Variants in DDX31 observed in about 807,000 individuals in gnomAD.
DDX31 encodes DEAD-box helicase 31.
In DDX31, 70 loss-of-function variants were observed where a neutral mutation model predicts 91.3. That is an observed-to-expected ratio of 0.77 (90% CI 0.63 to 0.94). The LOEUF is 0.94. DDX31 is among the 40% of genes least tolerant of loss of function. The probability of loss-of-function intolerance (pLI) is 0.00; values close to 1 mark genes in which losing one functional copy is unlikely to be tolerated. For synonymous variants in DDX31, 362 were observed against 350.6 expected, an observed-to-expected ratio of 1.03 and a Z score of -0.36; for missense variants, 902 against 925.0, an observed-to-expected ratio of 0.98 and a Z score of 0.32.
intron 14 of DDX31, 114 bp downstream of exon 14, chr9:132,641,890 A>G: frequency 9.6e-7 from 1 of 1,038,792 alleles, no homozygotes; most frequent in Non-Finnish European, 1.5e-6. Context: ...AGGGGCCCCT[A>G]GTGTTCCTGG....
chr9:132,601,485 G>A (rs1479453505), intron 19 of DDX31, among the ~76,000 whole-genome samples: 1 of 152,142 alleles, frequency 6.6e-6, no homozygotes, highest in Non-Finnish European at 1.5e-5. Flanking sequence ...TTGAAGTGAG[G>A]ACCACAATGG....
At chr9:132,636,535 C>T (rs1833128385) in intron 14 of DDX31, among the ~76,000 whole-genome samples, 1 of 152,184 alleles carries the variant, frequency 6.6e-6, no homozygotes, top group Non-Finnish European at 1.5e-5. Flanking sequence ...TAACATGTGA[C>T]GTTCATGAAA....
chr9:132,669,898 TG>T lies in DDX31; in HGVS notation c.36del (p.Arg13GlyfsTer102). The T allele has an allele frequency of 6.3e-7, 1 of 1,597,300 alleles. No homozygotes were observed. Among genetic ancestry groups the T allele is most frequent in the Non-Finnish European group, 8.5e-7 (1 of 1,172,856 alleles). On this transcript the variant is annotated frameshift_variant, in exon 1 of 20. Coordinates refer to ENST00000372159, the MANE Select transcript of DDX31 (RefSeq NM_022779.9). LOFTEE classifies it high-confidence loss of function. ...GCTGGGGGACGTCTGGAGAACGTCCTGGGGTTGTCGAAGAGCGAACCGTCGG... is the reference window on the plus strand; with the variant it reads ...GCTGGGGGACGTCTGGAGAACGTCCTGGGTTGTCGAAGAGCGAACCGTCGG... The part of the protein sequence containing the change: ...AAADGSLFDN[P>X]RTFSRRPPAQ...
At chr9:132,612,842 C>T (rs1404971733) in intron 18 of DDX31, among the ~76,000 whole-genome samples, 2 of 152,178 alleles carry the variant, frequency 1.3e-5, no homozygotes, top group Non-Finnish European at 2.9e-5. Flanking sequence ...TCACCACAAG[C>T]CCCACCTCCA....
intron 13 of DDX31, among the ~76,000 whole-genome samples, chr9:132,642,418 C>T (rs902539861): frequency 3.9e-5 from 6 of 152,310 alleles, no homozygotes; most frequent in Middle Eastern, 3.4e-3. Flanking sequence ...CATTCTCCTA[C>T]AAGTGCTCTG....
At chr9:132,620,104 A>C (rs1251316245) in intron 17 of DDX31, among the ~76,000 whole-genome samples, 2 of 152,028 alleles carry the variant, frequency 1.3e-5, no homozygotes, top group Non-Finnish European at 1.5e-5. Flanking sequence ...ATCCCTCTAG[A>C]GTGTTAAATA....
intron 8 of DDX31, 127 bp downstream of exon 8, chr9:132,650,948 G>A (rs1053458804): frequency 1.0e-6 from 1 of 955,152 alleles, no homozygotes; most frequent in Admixed American, 2.5e-5. Flanking sequence ...TGCCTAGAGA[G>A]AGCAGAGATA....
At chr9:132,611,776 C>T (rs1488424501) in intron 19 of DDX31, among the ~76,000 whole-genome samples, 1 of 151,970 alleles carries the variant, frequency 6.6e-6, no homozygotes, top group Admixed American at 6.6e-5. Context: ...GGTATGCTCC[C>T]AGGCCTCGTC....
intron 8 of DDX31, among the ~76,000 whole-genome samples, chr9:132,650,536 T>G (rs1485235401): frequency 6.6e-6 from 1 of 152,230 alleles, no homozygotes; most frequent in African/African-American, 2.4e-5. Context: ...AAATGTGAGC[T>G]TCTTAAATCA....
intron 19 of DDX31, among the ~76,000 whole-genome samples, chr9:132,604,498 G>A (rs969541824): frequency 2.0e-5 from 3 of 152,054 alleles, no homozygotes; most frequent in African/African-American, 4.8e-5. Context: ...TTTAAACTAC[G>A]GATATATTCA....
intron 1 of DDX31, among the ~76,000 whole-genome samples, chr9:132,664,350 C>T (rs749806190): frequency 3.9e-5 from 6 of 152,154 alleles, no homozygotes; most frequent in Non-Finnish European, 8.8e-5. Flanking sequence ...GTCAACATCT[C>T]TCTAAAAGCA....
chr9:132,668,863 C>G (rs1835502951), intron 1 of DDX31, among the ~76,000 whole-genome samples: 1 of 152,286 alleles, frequency 6.6e-6, no homozygotes, highest in Non-Finnish European at 1.5e-5. Context: ...CCACCGCGCC[C>G]GGCCGCGGCT....
At chr9:132,669,269 A>G (rs906571241) in intron 1 of DDX31, among the ~76,000 whole-genome samples, 15 of 63,898 alleles carry the variant, frequency 2.3e-4, no homozygotes, top group African/African-American at 1.0e-3. Context: ...CCCCCCAAAG[A>G]ACAGCTTTGC....
intron 1 of DDX31, among the ~76,000 whole-genome samples, chr9:132,663,055 T>C (rs1244368121): frequency 1.3e-5 from 2 of 151,954 alleles, no homozygotes; most frequent in African/African-American, 4.8e-5. Context: ...GTGAAGGGTG[T>C]GTCAATCCAT....
Position 132,647,067 on chromosome 9 carries a change from AAAGT to A in DDX31, c.968-13_968-10del, listed in dbSNP as rs140712462. 0.33 allele frequency: 530,852 copies of A among 1,612,666 alleles called. 90,315 individuals are homozygous for A. Among genetic ancestry groups the A allele is most frequent in the South Asian group, 0.39 (35,205 of 91,046 alleles). On this transcript the variant is annotated splice_polypyrimidine_tract_variant and intron_variant, in intron 11 of 19. Transcript: ENST00000372159. ...AGCTAGCCGCGTTACACCTTGGATA[AAAGT>A]AAGAAGGGCAAAGCAGACAACAAAC...
chr9:132,662,724 C>G, intron 1 of DDX31, 29 bp from the exon 2 acceptor site: 1 of 1,613,180 alleles, frequency 6.2e-7, no homozygotes, highest in Non-Finnish European at 8.5e-7. Flanking sequence ...GAAAGATCAA[C>G]AAGAGATGCA....
chr9:132,645,797 A>T, intron 13 of DDX31, 98 bp downstream of exon 13: 1 of 1,356,684 alleles, frequency 7.4e-7, no homozygotes, highest in Non-Finnish European at 9.9e-7. Flanking sequence ...GGTCGTAGCC[A>T]TTGCTGAGCC....
chr9:132,633,499 T>C (rs1590038980), intron 14 of DDX31, among the ~76,000 whole-genome samples: 1 of 152,106 alleles, frequency 6.6e-6, no homozygotes, highest in African/African-American at 2.4e-5. Flanking sequence ...AATACAGCAA[T>C]ATCTCATATA....
At chr9:132,617,174 C>A (rs1293545853) in intron 18 of DDX31, among the ~76,000 whole-genome samples, 3 of 152,188 alleles carry the variant, frequency 2.0e-5, no homozygotes, top group Non-Finnish European at 4.4e-5. Flanking sequence ...TCTGCACCAG[C>A]TCCCACTGCC....
Sources: allele counts gnomAD v4.1 joint callset (sites outside exome capture counted in the v4.1 genomes callset), GRCh38; gene constraint gnomAD v4.1.1; transcripts MANE v1.5; gene names NCBI Gene and HGNC (gene_info 2026-07-23, HGNC 2026-07-21).